Variants in GRM8 observed in about 807,000 individuals in gnomAD.
The protein encoded by GRM8 is glutamate metabotropic receptor 8, also known as metabotropic glutamate receptor 8.
In GRM8, 47 loss-of-function variants were observed where a neutral mutation model predicts 87.2. The ratio of observed to expected loss-of-function variants is 0.54; its 90% confidence interval spans 0.43 to 0.69. GRM8 has a LOEUF of 0.69. Ranked by LOEUF, GRM8 falls within the 30% of genes least tolerant of loss-of-function variation. The pLI is 0.00. For missense variants in GRM8, 1,019 were observed against 1,139.2 expected (o/e 0.89, Z 1.52); for synonymous variants, 396 against 404.5 (o/e 0.98, Z 0.25).
chr7:127,229,223 C>G (rs947578329), intron 2 of GRM8: 25 of 152,130 alleles, frequency 1.6e-4, no homozygotes, highest in African/African-American at 6.0e-4. Flanking sequence ...CTAAACCCAC[C>G]CTGCTCCACA....
At chr7:126,915,251 T>A (rs1341262979) in intron 3 of GRM8, among the ~76,000 whole-genome samples, 1 of 152,202 alleles carries the variant, frequency 6.6e-6, no homozygotes, top group East Asian at 1.9e-4. Flanking sequence ...TCTTTGTACC[T>A]CTGTCCCTCA....
chr7:126,805,772 T>C (rs577606497), intron 6 of GRM8, among the ~76,000 whole-genome samples: 27 of 152,314 alleles, frequency 1.8e-4, no homozygotes, highest in Non-Finnish European at 3.2e-4. Context: ...TTTGCTTTAT[T>C]TCATTCTTCT....
intron 2 of GRM8, among the ~76,000 whole-genome samples, chr7:127,139,598 T>C (rs771351082): frequency 6.6e-6 from 1 of 152,128 alleles, no homozygotes; most frequent in Non-Finnish European, 1.5e-5. Context: ...TTTAAAGTCA[T>C]CAAACCTCCT....
chr7:126,461,381 A>G (rs1460949716), intron 9 of GRM8, among the ~76,000 whole-genome samples: 1 of 151,438 alleles, frequency 6.6e-6, no homozygotes, highest in Non-Finnish European at 1.5e-5. Flanking sequence ...ACTCCTCTCT[A>G]TCCCCAGCCT....
intron 7 of GRM8, among the ~76,000 whole-genome samples, chr7:126,616,888 C>T (rs1025757128): frequency 6.6e-6 from 1 of 152,122 alleles, no homozygotes; most frequent in Non-Finnish European, 1.5e-5. Context: ...TAATTAATAG[C>T]CTACCAACCA....
chr7:126,775,479 G>GTTTTTTTTTTTTTTT (rs372733476), intron 6 of GRM8, among the ~76,000 whole-genome samples: 27 of 104,758 alleles, frequency 2.6e-4, no homozygotes, highest in African/African-American at 1.2e-3. Context: ...TGACAAATAG[G>GTTTTTTTTTTTTTTT]TTTTTTTTTT....
intron 9 of GRM8, among the ~76,000 whole-genome samples, chr7:126,450,858 T>C (rs2150482339): frequency 6.6e-6 from 1 of 151,992 alleles, no homozygotes; most frequent in Admixed American, 6.6e-5. Context: ...ATTAAATATC[T>C]TCCTAGTTTC....
rs917208304 is a variant in GRM8, at chr7:126,786,042, A to G, written c.1157-15977T>C. Among the ~76,000 whole-genome samples, 7 of 152,288 alleles carry G rather than the reference A, an allele frequency of 4.6e-5. 1 individual carries two copies. The South Asian group carries it at 1.5e-3, about 32-fold the overall frequency. On this transcript the variant is annotated intron_variant, in intron 6 of 10. Coordinates refer to ENST00000339582, the MANE Select transcript of GRM8 (RefSeq NM_000845.3). ...GAGCACTAGGAAAACCATAAAATTT[A>G]TAAGAGAAATCTCTCCTCTTATAAC...
At chr7:126,684,011 G>A (rs549978571) in intron 7 of GRM8, among the ~76,000 whole-genome samples, 1 of 152,258 alleles carries the variant, frequency 6.6e-6, no homozygotes, top group East Asian at 1.9e-4. Flanking sequence ...TTTCACTACT[G>A]TACTCTACAT....
intron 2 of GRM8, among the ~76,000 whole-genome samples, chr7:127,149,727 A>G (rs1828745050): frequency 6.6e-6 from 1 of 152,100 alleles, no homozygotes; most frequent in African/African-American, 2.4e-5. Flanking sequence ...AATATTGTTC[A>G]GTCTTAAAAA....
intron 6 of GRM8, among the ~76,000 whole-genome samples, chr7:126,845,755 A>T (rs1205556752): frequency 6.6e-6 from 1 of 152,198 alleles, no homozygotes; most frequent in African/African-American, 2.4e-5. Flanking sequence ...ACATAAGATC[A>T]TGGAGAGAAG....
At chr7:127,056,416 G>C (rs1819992747) in intron 3 of GRM8, among the ~76,000 whole-genome samples, 1 of 152,138 alleles carries the variant, frequency 6.6e-6, no homozygotes, top group Non-Finnish European at 1.5e-5. Context: ...GGTCTGCATG[G>C]GTGCACAACC....
intron 3 of GRM8, among the ~76,000 whole-genome samples, chr7:127,040,174 G>T (rs1405891492): frequency 2.0e-5 from 3 of 151,696 alleles, no homozygotes; most frequent in Non-Finnish European, 4.4e-5. Flanking sequence ...GACTATAGAG[G>T]AGTCCTGTAT....
At chr7:127,015,059 AAG>A (rs1341821770) in intron 3 of GRM8, among the ~76,000 whole-genome samples, 1,608 of 116,746 alleles carry the variant, frequency 0.014, 33 homozygotes, top group Non-Finnish European at 0.023. Flanking sequence ...GAAGAAGAAG[AAG>A]AAGAAGAAAG....
chr7:126,587,183 G>C, intron 8 of GRM8, among the ~76,000 whole-genome samples: 1 of 152,226 alleles, frequency 6.6e-6, no homozygotes, highest in Non-Finnish European at 1.5e-5. Context: ...AACAACAGGT[G>C]ATGGAGAGGA....
chr7:126,723,654 T>C (rs997607634), intron 7 of GRM8, among the ~76,000 whole-genome samples: 1 of 152,162 alleles, frequency 6.6e-6, no homozygotes, highest in Non-Finnish European at 1.5e-5. Context: ...TGGGAAGCTT[T>C]GCACTCATAG....
At chr7:127,232,145 A>G (rs1262686863) in intron 2 of GRM8, among the ~76,000 whole-genome samples, 1 of 151,568 alleles carries the variant, frequency 6.6e-6, no homozygotes, top group Non-Finnish European at 1.5e-5. Flanking sequence ...GCCCTATGCC[A>G]GAGCCAATCT....
At chr7:126,500,298 T>A (rs1394252255) in intron 9 of GRM8, among the ~76,000 whole-genome samples, 2 of 151,964 alleles carry the variant, frequency 1.3e-5, no homozygotes, top group Non-Finnish European at 2.9e-5. Context: ...CTTTTGTAAG[T>A]TCCATCTGCA....
chr7:126,535,281 T>C (rs532705942), intron 8 of GRM8, among the ~76,000 whole-genome samples: 2 of 152,256 alleles, frequency 1.3e-5, no homozygotes, highest in East Asian at 3.9e-4. Flanking sequence ...GGCCAGGTCA[T>C]AAAAGGCATT....
Sources: allele counts gnomAD v4.1 joint callset (sites outside exome capture counted in the v4.1 genomes callset), GRCh38; gene constraint gnomAD v4.1.1; transcripts MANE v1.5; gene names NCBI Gene and HGNC (gene_info 2026-07-23, HGNC 2026-07-21).